Variants in EDIL3 observed in about 807,000 individuals in gnomAD.
EDIL3 encodes EGF-like repeat and discoidin I-like domain-containing protein 3.
Under a neutral mutation model 67.4 loss-of-function variants are expected in EDIL3, and 37 were observed. The observed-to-expected ratio is 0.55, with a 90% CI of 0.42 to 0.72. The LOEUF (loss-of-function observed/expected upper bound fraction) is 0.72. EDIL3 is among the 30% of genes least tolerant of loss of function. EDIL3 has a pLI of 0.00. For missense variants in EDIL3, 527 were observed against 586.3 expected (o/e 0.90, Z 1.04); for synonymous variants, 195 against 196.3 (o/e 0.99, Z 0.05).
At chr5:84,175,841 G>A (rs972378712) in intron 4 of EDIL3, among the ~76,000 whole-genome samples, 2 of 152,026 alleles carry the variant, frequency 1.3e-5, no homozygotes, top group African/African-American at 4.8e-5. Context: ...ACTAAATTCA[G>A]GCTACCAAGC....
At chr5:84,216,519 C>T (rs906734383) in intron 3 of EDIL3, among the ~76,000 whole-genome samples, 1 of 152,098 alleles carries the variant, frequency 6.6e-6, no homozygotes, top group Non-Finnish European at 1.5e-5. Context: ...ACAAGTTTTT[C>T]CAGAGAAGCT....
At chr5:84,321,614 G>C (rs916383738) in intron 1 of EDIL3, among the ~76,000 whole-genome samples, 2 of 152,074 alleles carry the variant, frequency 1.3e-5, no homozygotes, top group African/African-American at 4.8e-5. Flanking sequence ...AATGTGCAGG[G>C]ATTAGAAGAG....
intron 6 of EDIL3, among the ~76,000 whole-genome samples, chr5:84,082,474 C>CA (rs1330965537): frequency 2.0e-5 from 3 of 151,792 alleles, no homozygotes; most frequent in Non-Finnish European, 2.9e-5. Flanking sequence ...ATGAATTAAC[C>CA]AAAAAAAGAA....
chr5:84,008,355 G>A (rs1712374654), intron 9 of EDIL3, among the ~76,000 whole-genome samples: 1 of 152,014 alleles, frequency 6.6e-6, no homozygotes, highest in Non-Finnish European at 1.5e-5. Flanking sequence ...TTACTCTTAG[G>A]TGATTATTAA....
intron 1 of EDIL3, among the ~76,000 whole-genome samples, chr5:84,343,012 T>G (rs2112179481): frequency 6.6e-6 from 1 of 152,250 alleles, no homozygotes; most frequent in Non-Finnish European, 1.5e-5. Flanking sequence ...TAATCAAGTT[T>G]TCTTTCAATT....
chr5:84,182,849 ATATTTATT>A (rs768553498), intron 3 of EDIL3, among the ~76,000 whole-genome samples: 1 of 152,054 alleles, frequency 6.6e-6, no homozygotes, highest in Non-Finnish European at 1.5e-5. Context: ...TAAAAACAAT[ATATTTATT>A]TAAGTAGACA....
At chr5:84,305,244 C>T (rs1019723238) in intron 1 of EDIL3, among the ~76,000 whole-genome samples, 7 of 152,046 alleles carry the variant, frequency 4.6e-5, no homozygotes, top group South Asian at 4.1e-4. Flanking sequence ...TTTTTAATTC[C>T]ATTGATTTCT....
intron 4 of EDIL3, among the ~76,000 whole-genome samples, chr5:84,141,926 C>CATATAT (rs145638622): frequency 4.4e-4 from 55 of 124,916 alleles, no homozygotes; most frequent in African/African-American, 1.1e-3. Context: ...TATATATACA[C>CATATAT]ATATATATAT....
chr5:84,254,110 G>T lies in EDIL3; in HGVS notation c.170C>A (p.Pro57His). The T allele has an allele frequency of 6.2e-7, 1 of 1,611,082 alleles. No homozygotes were observed. ...SCECPDGFTDPNCSSVVEVAS... is the reference protein window; with the variant it reads ...SCECPDGFTDHNCSSVVEVAS... The stretch of plus-strand genomic sequence containing the variant: ...AACCTCCACAACACTAGAACAGTTG[G>T]GGTCTGTGAAGCCATCTGGACACTC... Residue 57 changes from proline (P) to histidine (H), a missense_variant, in exon 2 of 11, where the codon CCC becomes CAC. Transcript: ENST00000296591.
chr5:84,231,867 A>G (rs554126906), intron 2 of EDIL3, among the ~76,000 whole-genome samples: 67 of 152,324 alleles, frequency 4.4e-4, no homozygotes, highest in African/African-American at 1.4e-3. Flanking sequence ...TTGTTAACAA[A>G]ATCTAGAGAT....
intron 9 of EDIL3, among the ~76,000 whole-genome samples, chr5:84,044,101 CCT>C (rs1273126072): frequency 6.6e-6 from 1 of 152,024 alleles, no homozygotes; most frequent in Non-Finnish European, 1.5e-5. Flanking sequence ...TGTCCCCCTC[CCT>C]GTGTCCATGT....
intron 1 of EDIL3, among the ~76,000 whole-genome samples, chr5:84,291,021 A>C (rs1745902967): frequency 6.6e-6 from 1 of 152,190 alleles, no homozygotes; most frequent in Non-Finnish European, 1.5e-5. Flanking sequence ...GAAGTTGGTC[A>C]CATTATAATC....
chr5:84,122,838 C>A (rs758780671), intron 5 of EDIL3, among the ~76,000 whole-genome samples: 18 of 151,946 alleles, frequency 1.2e-4, no homozygotes, highest in Admixed American at 9.9e-4. Flanking sequence ...ATTCATTCAA[C>A]ATTTAACTAA....
chr5:84,061,023 AT>A (rs1746533323), intron 8 of EDIL3, among the ~76,000 whole-genome samples: 1 of 152,134 alleles, frequency 6.6e-6, no homozygotes, highest in African/African-American at 2.4e-5. Flanking sequence ...TTCATCACTG[AT>A]TCTTATAGCA....
chr5:83,943,970 G>A (rs983268649), intron 10 of EDIL3, among the ~76,000 whole-genome samples: 10 of 152,000 alleles, frequency 6.6e-5, no homozygotes, highest in African/African-American at 2.2e-4. Flanking sequence ...TGGAGCAGGC[G>A]GCCTCCACAT....
chr5:84,367,525 T>C (rs1747764067), intron 1 of EDIL3, among the ~76,000 whole-genome samples: 1 of 152,208 alleles, frequency 6.6e-6, no homozygotes, highest in African/African-American at 2.4e-5. Flanking sequence ...CTCATGCCTG[T>C]AATCCCAGCA....
chr5:84,324,341 CA>C (rs201345968), intron 1 of EDIL3, among the ~76,000 whole-genome samples: 1,945 of 151,904 alleles, frequency 0.013, 49 homozygotes, highest in African/African-American at 0.045. Flanking sequence ...TAAGCAAACA[CA>C]ATGGAAATTT....
intron 9 of EDIL3, among the ~76,000 whole-genome samples, chr5:84,032,148 T>C (rs1280814568): frequency 6.6e-6 from 1 of 152,188 alleles, no homozygotes; most frequent in East Asian, 1.9e-4. Flanking sequence ...AGAGGATCAC[T>C]CCAGTAAGAT....
At chr5:84,136,414 T>A (rs1446072819) in intron 5 of EDIL3, among the ~76,000 whole-genome samples, 1 of 152,348 alleles carries the variant, frequency 6.6e-6, no homozygotes, top group African/African-American at 2.4e-5. Flanking sequence ...AACCTGTGTT[T>A]GGGCCCATTT....
Sources: allele counts gnomAD v4.1 joint callset (sites outside exome capture counted in the v4.1 genomes callset), GRCh38; gene constraint gnomAD v4.1.1; transcripts MANE v1.5; gene names NCBI Gene and HGNC (gene_info 2026-07-23, HGNC 2026-07-21).